The following CFI variants were observed in gnomAD, a reference collection of about 807,000 sequenced individuals.
The protein encoded by CFI is C3B/C4B inactivator.
CFI carries 66 observed loss-of-function variants against 78.8 expected under a neutral mutation model. The observed-to-expected ratio is 0.84, with a 90% CI of 0.69 to 1.03. The LOEUF is 1.03. Ranked by LOEUF, CFI falls within the 50% of genes least tolerant of loss-of-function variation. The pLI is 0.00. For missense variants in CFI, 706 were observed against 704.5 expected, an observed-to-expected ratio of 1.00 and a Z score of -0.02; for synonymous variants, 250 against 232.6, an observed-to-expected ratio of 1.07 and a Z score of -0.68.
chr4:109,769,256 A>T (rs890316744), intron 1 of CFI, among the ~76,000 whole-genome samples: 2 of 152,116 alleles, frequency 1.3e-5, no homozygotes, highest in Non-Finnish European at 2.9e-5. Context: ...TTTCTCAGTC[A>T]CTCTTAGATT....
intron 1 of CFI, among the ~76,000 whole-genome samples, chr4:109,782,431 C>CA (rs36163689): frequency 0.13 from 17,944 of 138,024 alleles, 2,419 homozygotes; most frequent in African/African-American, 0.34. Context: ...ACAATAGCTG[C>CA]AAAAAAAAAA....
chr4:109,799,019 C>T (rs1404061956), intron 1 of CFI, among the ~76,000 whole-genome samples: 1 of 152,106 alleles, frequency 6.6e-6, no homozygotes, highest in Non-Finnish European at 1.5e-5. Flanking sequence ...CCTTAGCCTT[C>T]ACTTCATACT....
At chr4:109,785,107 C>A (rs951076400) in intron 1 of CFI, among the ~76,000 whole-genome samples, 1 of 152,046 alleles carries the variant, frequency 6.6e-6, no homozygotes, top group Non-Finnish European at 1.5e-5. Flanking sequence ...CTCCTAACTC[C>A]ACTGTCTGTC....
chr4:109,732,135 A>G, the CFI span, among the ~76,000 whole-genome samples: 1 of 152,112 alleles, frequency 6.6e-6, no homozygotes, highest in African/African-American at 2.4e-5. Flanking sequence ...CCTTTCCCCC[A>G]CTTTCTCTAT....
chr4:109,761,611 T>C lies in CFI; in HGVS notation c.564A>G (p.Gly188=), dbSNP rs761687050. 2 of 1,613,764 alleles carry C rather than the reference T, an allele frequency of 1.2e-6. No homozygotes were observed. Among genetic ancestry groups the C allele is most frequent in the African/African-American group, 2.7e-5 (2 of 74,908 alleles). ...TACATTCAGCCAAACTGGTCTCTAA[T>C]CCTCGGCAATGCACATGTAGACATT... ...STECLHVHCR[G]LETSLAECTF... Residue 188 remains glycine, a synonymous_variant, in exon 4 of 13, where the codon GGA becomes GGG. Transcript: ENST00000394634.
At chr4:109,783,812 GATATATAT>G (rs34128338) in intron 1 of CFI, among the ~76,000 whole-genome samples, 9 of 113,036 alleles carry the variant, frequency 8.0e-5, no homozygotes, top group East Asian at 4.4e-4. Flanking sequence ...AAGAAACTGT[GATATATAT>G]ATATATATAT....
chr4:109,786,401 C>T (rs1263856861), intron 1 of CFI, among the ~76,000 whole-genome samples: 1 of 151,810 alleles, frequency 6.6e-6, no homozygotes, highest in Non-Finnish European at 1.5e-5. Flanking sequence ...TTTTTTTTCT[C>T]TAGGCAGGAG....
At position 109,778,360 on chromosome 4, in the gene CFI, C is replaced by A. The variant is rs559628220; in HGVS notation, c.58-11536G>T. On this transcript the variant is annotated intron_variant, in intron 1 of 12. Coordinates refer to ENST00000394634, the MANE Select transcript of CFI (RefSeq NM_000204.5). ...AGAGAATACTATAAACACCTCTATG[C>A]AAATAAACTAGAAAATCTAGAAGAA... 1.1e-4 allele frequency among the ~76,000 whole-genome samples: 16 copies of A among 152,248 alleles called. 1 individual carries two copies. In the East Asian group the frequency reaches 3.1e-3, roughly 29 times the overall value.
At chr4:109,799,209 T>C (rs1012425932) in intron 1 of CFI, among the ~76,000 whole-genome samples, 1 of 152,172 alleles carries the variant, frequency 6.6e-6, no homozygotes, top group African/African-American at 2.4e-5. Context: ...GGTGCTCTGT[T>C]GTGTGCCTCC....
rs758370522 is a variant in CFI at position 109,766,588 on chromosome 4, T to A, written c.294A>T (p.Thr98=). 6.2e-7 allele frequency: 1 copy of A among 1,614,234 alleles called. No individual in the cohort carries two copies. The highest frequency in any genetic ancestry group is 2.2e-5 in the East Asian group (1 of 44,892). The change falls in exon 2 of 13, where the codon ACA becomes ACT. Residue 98 remains threonine (T), a synonymous_variant. Coordinates refer to ENST00000394634, the MANE Select transcript of CFI (RefSeq NM_000204.5). The part of the protein sequence containing the change: ...QKSLECLHPG[T]KFLNNGTCTA... ...TGCATGTTCCGTTATTTAAAAACTT[T>A]GTCCCTGGATGAAGACATTCCAAAC...
At chr4:109,749,707 T>TCTTGTACTGGCTGTG in intron 8 of CFI, 105 bp from the exon 9 acceptor site, 2 of 741,414 alleles carry the variant, frequency 2.7e-6, no homozygotes, top group Non-Finnish European at 4.9e-6. Context: ...TCACAGCCAG[T>TCTTGTACTGGCTGTG]ACAAGACAGG....
intron 4 of CFI, among the ~76,000 whole-genome samples, chr4:109,761,134 A>G (rs1352187175): frequency 1.3e-5 from 2 of 152,174 alleles, no homozygotes; most frequent in African/African-American, 2.4e-5. Context: ...ATGCCTGAAA[A>G]CTGAGGCACC....
chr4:109,738,278 C>CT (rs1257926588), downstream of CFI, among the ~76,000 whole-genome samples: 1 of 151,928 alleles, frequency 6.6e-6, no homozygotes, highest in Non-Finnish European at 1.5e-5. Context: ...CCACTCCCAG[C>CT]TTTTTTTGTG....
intron 12 of CFI, chr4:109,741,492 T>C (rs368071770): frequency 1.6e-5 from 5 of 317,390 alleles, no homozygotes; most frequent in African/African-American, 2.3e-5. Flanking sequence ...CACAACCCTA[T>C]GAGGCAAATA....
intron 7 of CFI, among the ~76,000 whole-genome samples, chr4:109,756,965 GAAAGAA>G (rs1561298090): frequency 7.5e-6 from 1 of 133,760 alleles, no homozygotes; most frequent in Non-Finnish European, 1.7e-5. Flanking sequence ...AAGAAAGAAA[GAAAGAA>G]AGAAAGAAAT....
At chr4:109,794,824 A>G (rs1034954361) in intron 1 of CFI, among the ~76,000 whole-genome samples, 2 of 152,054 alleles carry the variant, frequency 1.3e-5, no homozygotes, top group Admixed American at 1.3e-4. Flanking sequence ...TTAATATTCT[A>G]TATTTGTTTA....
At chr4:109,759,999 GA>G in intron 6 of CFI, 2 of 575,752 alleles carry the variant, frequency 3.5e-6, no homozygotes, top group African/African-American at 1.9e-5. Context: ...CTTGCAGGTG[GA>G]AAATGGGTAC....
At chr4:109,787,338 C>A (rs527492359) in intron 1 of CFI, among the ~76,000 whole-genome samples, 5 of 152,020 alleles carry the variant, frequency 3.3e-5, no homozygotes, top group Non-Finnish European at 7.4e-5. Context: ...AGTTTTAGGC[C>A]CCCTGTGGCC....
At position 109,749,485 on chromosome 4, in the gene CFI, T is replaced by A. The variant is rs199509372; in HGVS notation, c.1044+14A>T. 35 of 1,603,418 alleles carry A rather than the reference T, an allele frequency of 2.2e-5. No individual in the cohort carries two copies. In the African/African-American group the frequency reaches 4.5e-4, roughly 21 times the overall value. Reference sequence around the variant, plus strand: ...TTCTGGGCAGTTGCATTGTGACTTTTCATGCGACTTTACCAGTTGTGCTCG... The same window carrying A: ...TTCTGGGCAGTTGCATTGTGACTTTACATGCGACTTTACCAGTTGTGCTCG... On this transcript the variant is annotated intron_variant, in intron 9 of 12. Coordinates refer to ENST00000394634, the MANE Select transcript of CFI (RefSeq NM_000204.5).
Sources: gnomAD v4.1 joint callset for allele counts (sites outside exome capture counted in the v4.1 genomes callset) on GRCh38, gnomAD v4.1.1 for gene constraint, MANE v1.5 for transcripts, NCBI Gene and HGNC (gene_info 2026-07-23, HGNC 2026-07-21) for gene names.